The following SIPA1L1 variants were observed in gnomAD, a reference collection of about 807,000 sequenced individuals.
SIPA1L1 encodes signal induced proliferation associated 1 like 1, also known as signal-induced proliferation-associated 1-like protein 1.
A neutral mutation model predicts 162.7 loss-of-function variants in SIPA1L1; 26 were observed. That is an observed-to-expected ratio of 0.16 (90% CI 0.12 to 0.22). The LOEUF (loss-of-function observed/expected upper bound fraction) is 0.22. SIPA1L1 is among the 10% of genes least tolerant of loss of function. SIPA1L1 has a pLI of 1.00. For synonymous variants in SIPA1L1, 829 were observed against 837.4 expected (o/e 0.99, Z 0.17); for missense variants, 1,874 against 2,241.0 (o/e 0.84, Z 3.31).
chr14:71,592,881 T>C (rs1479343095), intron 5 of SIPA1L1, among the ~76,000 whole-genome samples: 2 of 152,230 alleles, frequency 1.3e-5, no homozygotes, highest in Non-Finnish European at 2.9e-5. Context: ...CAACATGCCA[T>C]TGATGCTTTT....
At chr14:71,663,432 A>C (rs1233935350) in intron 10 of SIPA1L1, among the ~76,000 whole-genome samples, 1 of 152,198 alleles carries the variant, frequency 6.6e-6, no homozygotes, top group Admixed American at 6.5e-5. Context: ...AGATTCTTCC[A>C]AATGGACTTT....
chr14:71,633,253 C>T lies in SIPA1L1; in HGVS notation c.1818+9017C>T, dbSNP rs142868671. Reference sequence around the variant, plus strand: ...TCGGCTCACTGCAACCTCCACCCTCCGGGTTCAAGCGATTCTCTTGCCTCA... The same window carrying T: ...TCGGCTCACTGCAACCTCCACCCTCTGGGTTCAAGCGATTCTCTTGCCTCA... On this transcript the variant is annotated intron_variant, in intron 7 of 23. Coordinates refer to ENST00000381232, the MANE Select transcript of SIPA1L1 (RefSeq NM_001386936.1). 1.8e-3 allele frequency among the ~76,000 whole-genome samples: 270 copies of T among 152,234 alleles called. 6 individuals carry two copies. In the East Asian group the frequency reaches 0.048, roughly 27 times the overall value.
chr14:71,363,638 T>C (rs909221668), intron 2 of SIPA1L1, among the ~76,000 whole-genome samples: 1 of 152,218 alleles, frequency 6.6e-6, no homozygotes, highest in African/African-American at 2.4e-5. Flanking sequence ...ATGATTGTCA[T>C]CTTTTGAAGA....
intron 2 of SIPA1L1, among the ~76,000 whole-genome samples, chr14:71,324,999 A>G (rs984198961): frequency 2.0e-5 from 3 of 152,146 alleles, no homozygotes; most frequent in African/African-American, 7.2e-5. Flanking sequence ...GCAGAGAAGA[A>G]ACTTCCCTGC....
intron 7 of SIPA1L1, among the ~76,000 whole-genome samples, chr14:71,645,097 C>T (rs2042044671): frequency 6.6e-6 from 1 of 152,208 alleles, no homozygotes; most frequent in Non-Finnish European, 1.5e-5. Flanking sequence ...GGTGGCTGCC[C>T]GTGCACCTTG....
At chr14:71,555,607 C>G (rs1389158845) in intron 4 of SIPA1L1, among the ~76,000 whole-genome samples, 1 of 152,184 alleles carries the variant, frequency 6.6e-6, no homozygotes, top group Non-Finnish European at 1.5e-5. Flanking sequence ...CACAACTTGG[C>G]TAACTGGTAC....
At chr14:71,616,966 G>T (rs189925296) in intron 5 of SIPA1L1, among the ~76,000 whole-genome samples, 1 of 152,240 alleles carries the variant, frequency 6.6e-6, no homozygotes. Context: ...CTAGAAGTTG[G>T]TTTTTATTAG....
chr14:71,584,457 C>T (rs892591783), intron 4 of SIPA1L1, among the ~76,000 whole-genome samples: 1 of 152,188 alleles, frequency 6.6e-6, no homozygotes, highest in African/African-American at 2.4e-5. Flanking sequence ...GAGGCATGAC[C>T]CATGCATCCC....
At chr14:71,388,025 G>A (rs780112158) in intron 2 of SIPA1L1, among the ~76,000 whole-genome samples, 1 of 152,210 alleles carries the variant, frequency 6.6e-6, no homozygotes, top group Non-Finnish European at 1.5e-5. Flanking sequence ...AGCAAGGTGT[G>A]TTGTTAACTG....
intron 2 of SIPA1L1, among the ~76,000 whole-genome samples, chr14:71,380,224 GAATTA>G (rs987216879): frequency 2.6e-5 from 4 of 152,156 alleles, no homozygotes; most frequent in African/African-American, 9.7e-5. Context: ...GGATAGTTAG[GAATTA>G]AATTATTTGT....
chr14:71,693,149 A>T (rs1472609289), intron 13 of SIPA1L1, among the ~76,000 whole-genome samples: 2 of 152,132 alleles, frequency 1.3e-5, no homozygotes, highest in African/African-American at 2.4e-5. Context: ...GAGCATCCCA[A>T]ATTTGAAATC....
chr14:71,680,820 A>G (rs1009895542), intron 12 of SIPA1L1, among the ~76,000 whole-genome samples: 5 of 152,198 alleles, frequency 3.3e-5, no homozygotes, highest in African/African-American at 9.7e-5. Flanking sequence ...TAAACTAGAA[A>G]ATCTAGAGGG....
intron 2 of SIPA1L1, among the ~76,000 whole-genome samples, chr14:71,440,481 C>T (rs36535): frequency 0.58 from 88,405 of 151,172 alleles, 26,539 homozygotes; most frequent in East Asian, 0.77. Context: ...GGTGTTACCC[C>T]GTCTACAAAA....
In SIPA1L1 at chr14:71,529,318, C is replaced by A. The variant is rs925474407; in HGVS notation, c.-355C>A. On this transcript the variant is annotated 5_prime_UTR_variant, in exon 4 of 24. Coordinates refer to ENST00000381232, the MANE Select transcript of SIPA1L1 (RefSeq NM_001386936.1). ...TTTTCTAATTTTATTTCAGGTTATA[C>A]CTTATTGGTGTGGACGTTGTCTAAA... 35 of 660,950 alleles carry A rather than the reference C, an allele frequency of 5.3e-5. No individual in the cohort carries two copies. The African/African-American group carries it at 5.4e-4, about 10-fold the overall frequency. 40.9% of individuals were successfully genotyped at this position (660,950 alleles called of 1,614,324 possible).
intron 2 of SIPA1L1, among the ~76,000 whole-genome samples, chr14:71,451,617 A>C (rs1427839854): frequency 6.7e-6 from 1 of 149,030 alleles, no homozygotes; most frequent in Non-Finnish European, 1.5e-5. Flanking sequence ...CCTGGGTAAC[A>C]GCGAGACCTT....
intron 4 of SIPA1L1, among the ~76,000 whole-genome samples, chr14:71,543,927 G>A (rs939887195): frequency 3.9e-5 from 5 of 129,008 alleles, no homozygotes; most frequent in African/African-American, 5.8e-5. Flanking sequence ...TATATCATAC[G>A]TATATGTGTG....
intron 2 of SIPA1L1, among the ~76,000 whole-genome samples, chr14:71,405,409 T>C (rs371252022): frequency 3.3e-5 from 5 of 152,238 alleles, no homozygotes; most frequent in Non-Finnish European, 7.3e-5. Context: ...TAGGTCCTTA[T>C]AGACCATAGC....
chr14:71,584,967 G>A (rs1157950264), intron 4 of SIPA1L1, among the ~76,000 whole-genome samples: 1 of 152,134 alleles, frequency 6.6e-6, no homozygotes, highest in Non-Finnish European at 1.5e-5. Flanking sequence ...CAACCCTAAG[G>A]AATAGATGTG....
chr14:71,328,993 C>T (rs1012090963), intron 2 of SIPA1L1, among the ~76,000 whole-genome samples: 3 of 152,172 alleles, frequency 2.0e-5, no homozygotes, highest in Non-Finnish European at 2.9e-5. Flanking sequence ...AATCTGGCTA[C>T]TTTAGGTAAC....
Sources: allele counts gnomAD v4.1 joint callset (sites outside exome capture counted in the v4.1 genomes callset), GRCh38; gene constraint gnomAD v4.1.1; transcripts MANE v1.5; gene names NCBI Gene and HGNC (gene_info 2026-07-23, HGNC 2026-07-21).